Variants in COG2 observed in about 807,000 individuals in gnomAD.
COG2 encodes the protein component of oligomeric golgi complex 2.
COG2 carries 52 observed loss-of-function variants against 90.6 expected under a neutral mutation model. The observed-to-expected ratio is 0.57, with a 90% CI of 0.46 to 0.72. The LOEUF (loss-of-function observed/expected upper bound fraction) is 0.72, where lower values mean the gene tolerates loss of function less well. Ranked by LOEUF, COG2 falls within the 30% of genes least tolerant of loss-of-function variation. The pLI is 0.00. For synonymous variants in COG2, 337 were observed against 320.4 expected (o/e 1.05, Z -0.55); for missense variants, 829 against 891.2 (o/e 0.93, Z 0.89).
chr1:230,650,267 T>G (rs1661881456), intron 1 of COG2, among the ~76,000 whole-genome samples: 1 of 152,208 alleles, frequency 6.6e-6, no homozygotes. Context: ...GTTCTATTTT[T>G]AGTTCTTTGA....
Position 230,671,612 on chromosome 1 carries a change from C to G in COG2, c.871C>G (p.Arg291Gly), listed in dbSNP as rs750823964. 14 of 1,613,602 alleles carry G rather than the reference C, an allele frequency of 8.7e-6. No homozygotes were observed. Among genetic ancestry groups the G allele is most frequent in the Non-Finnish European group, 1.2e-5 (14 of 1,179,762 alleles). ...EFVPHHCRLL[R>G]EVTGGAISSE... ...TGTTCCTCACCATTGCCGCCTTCTT[C>G]GAGAAGTCACAGGAGGTGCCATCTC... Residue 291 changes from arginine (R) to glycine (G), a missense_variant, in exon 8 of 18, where the codon CGA becomes GGA. Arg to Gly is a moderately radical substitution (Grantham distance 125, BLOSUM62 -2). Coordinates refer to ENST00000366669, the MANE Select transcript of COG2 (RefSeq NM_007357.3).
chr1:230,677,040 T>G (rs1211659000), intron 9 of COG2, among the ~76,000 whole-genome samples: 1 of 152,182 alleles, frequency 6.6e-6, no homozygotes, highest in Non-Finnish European at 1.5e-5. Flanking sequence ...AATTGGTATC[T>G]TTCATCCATT....
At chr1:230,678,462 T>C (rs1662652875) in intron 9 of COG2, 4 of 985,150 alleles carry the variant, frequency 4.1e-6, no homozygotes, top group Admixed American at 1.2e-4. Context: ...GTTTTCATGC[T>C]ATCTTATTTA....
At position 230,693,349 on chromosome 1, in the gene COG2, C is replaced by T; in HGVS notation, c.2173C>T (p.Leu725Phe). 1.2e-6 allele frequency: 2 copies of T among 1,613,736 alleles called. No individual in the cohort carries two copies. The highest frequency in any genetic ancestry group is 4.5e-5 in the East Asian group (2 of 44,856). ...DIKSFSALAE[L>F]VAAAKDQATA... ...AAAAAGCTTCTCAGCTCTCGCAGAG[C>T]TTGTTGCTGCTGCCAAGGACCAGGC... The change falls in exon 18 of 18, where the codon CTT becomes TTT. Residue 725 changes from leucine (L) to phenylalanine (F), a missense_variant. Leu to Phe is a conservative substitution (Grantham distance 22). Transcript: ENST00000366669.
chr1:230,682,565 T>G (rs1354212796), intron 10 of COG2: 2 of 152,266 alleles, frequency 1.3e-5, no homozygotes, highest in Admixed American at 6.5e-5. Flanking sequence ...ATAGCCTTAG[T>G]GTCTTCAGTG....
intron 9 of COG2, among the ~76,000 whole-genome samples, chr1:230,677,271 T>G (rs1662622334): frequency 6.6e-6 from 1 of 152,226 alleles, no homozygotes. Flanking sequence ...ATCATATTTT[T>G]TTATTTCTAG....
rs112229411 is a variant in COG2, at chr1:230,686,893, T to C, written c.1381-42T>C. On this transcript the variant is annotated intron_variant, in intron 12 of 17. Transcript: ENST00000366669. The stretch of plus-strand genomic sequence containing the variant: ...TGTAATATATAAATGCTCATGTATC[T>C]TGCTAGTGTGAAAGTAGTTAATCAG... The C allele has an allele frequency of 2.9e-5, 37 of 1,288,896 alleles. No individual in the cohort carries two copies. In the African/African-American group the frequency reaches 4.0e-4, roughly 14 times the overall value. 79.8% of individuals were successfully genotyped at this position (1,288,896 alleles called of 1,614,324 possible).
rs571681140 is a variant in COG2 at position 230,642,968 on chromosome 1, T to C, written c.72+290T>C. On this transcript the variant is annotated intron_variant, in intron 1 of 17. Transcript: ENST00000366669. ...CCACTGTTACCCGTTCCTGTTACCA[T>C]GCAGTGCAGTCAGATTGCCAGTCCC... The C allele has an allele frequency of 3.6e-5, 15 of 417,042 alleles. 1 individual carries two copies. The highest frequency in any genetic ancestry group is 3.1e-4 in the African/African-American group (15 of 48,150). 25.8% of individuals were successfully genotyped at this position (417,042 alleles called of 1,614,324 possible).
At chr1:230,687,245 CGTGGGT>C in intron 13 of COG2, 113 bp downstream of exon 13, 1 of 791,200 alleles carries the variant, frequency 1.3e-6, no homozygotes, top group Non-Finnish European at 1.9e-6. Flanking sequence ...TTGGGGGACC[CGTGGGT>C]ACCCCAAGAG....
intron 9 of COG2, chr1:230,678,288 C>A (rs527437918): frequency 1.0e-6 from 1 of 985,318 alleles, no homozygotes; most frequent in Non-Finnish European, 1.2e-6. Context: ...GAAGAAGAAG[C>A]ATCATTTGTA....
At chr1:230,645,419 C>A (rs1473144106) in intron 1 of COG2, among the ~76,000 whole-genome samples, 1 of 152,044 alleles carries the variant, frequency 6.6e-6, no homozygotes, top group African/African-American at 2.4e-5. Context: ...CGTATGACTT[C>A]ATGTGTTTTA....
At chr1:230,648,631 T>C (rs1661844141) in intron 1 of COG2, among the ~76,000 whole-genome samples, 1 of 152,236 alleles carries the variant, frequency 6.6e-6, no homozygotes, top group Non-Finnish European at 1.5e-5. Flanking sequence ...TATTATAAAA[T>C]GTATTACTTG....
At chr1:230,650,398 G>T (rs1264016776) in intron 1 of COG2, among the ~76,000 whole-genome samples, 1 of 152,038 alleles carries the variant, frequency 6.6e-6, no homozygotes, top group Non-Finnish European at 1.5e-5. Context: ...AAGCTGTTCT[G>T]ATTGGTGTTA....
intron 6 of COG2, 187 bp downstream of exon 6, chr1:230,668,971 C>T: frequency 2.0e-6 from 1 of 491,814 alleles, no homozygotes; most frequent in Non-Finnish European, 3.6e-6. Flanking sequence ...AAGACTCAGT[C>T]ACATTCTCCA....
At chr1:230,671,970 T>C (rs1024432559) in intron 8 of COG2, among the ~76,000 whole-genome samples, 1 of 152,244 alleles carries the variant, frequency 6.6e-6, no homozygotes, top group Non-Finnish European at 1.5e-5. Context: ...TCATAATCTG[T>C]CTATAAATAT....
chr1:230,680,961 T>C (rs930739694), intron 10 of COG2: 6 of 152,172 alleles, frequency 3.9e-5, no homozygotes, highest in African/African-American at 1.2e-4. Context: ...AGAAGAAATA[T>C]TACTCTCAGT....
rs1275854075 is a variant in COG2, at chr1:230,683,721, C to G, written c.1228+86C>G. The G allele has an allele frequency of 6.4e-6, 5 of 786,724 alleles. No individual in the cohort carries two copies. The Admixed American group carries it at 1.3e-4, about 21-fold the overall frequency. The allele number at this position is 786,724 out of a possible 1,614,324, so 48.7% of individuals were successfully genotyped here. A position where few individuals can be genotyped will look rare whatever the true frequency, so the allele number is the denominator to read the frequency against. On this transcript the variant is annotated intron_variant, in intron 11 of 17. Transcript: ENST00000366669. ...GTCATCTGGATTGCAGTATTCTGAG[C>G]GTACTTTTACTGTTTTTTTTTTTTA... is the stretch of plus-strand genomic sequence containing the variant.
Position 230,642,624 on chromosome 1 carries a change from G to A in COG2, c.18G>A (p.Met6Ile). ...CCGGCGGGATGGAGAAAAGTAGGAT[G>A]AACCTGCCCAAGGGGCCGGACACGC... is the stretch of plus-strand genomic sequence containing the variant. MEKSR[M>I]NLPKGPDTLC... is the part of the protein sequence containing the mutation. The change falls in exon 1 of 18, where the codon ATG becomes ATA. Residue 6 changes from methionine (M) to isoleucine (I), a missense_variant. Coordinates refer to ENST00000366669, the MANE Select transcript of COG2 (RefSeq NM_007357.3). The A allele has an allele frequency of 6.2e-7, 1 of 1,613,070 alleles. No individual in the cohort carries two copies. The highest frequency in any genetic ancestry group is 8.5e-7 in the Non-Finnish European group (1 of 1,179,590).
At chr1:230,667,341 C>T (rs570096165) in intron 5 of COG2, among the ~76,000 whole-genome samples, 3 of 151,738 alleles carry the variant, frequency 2.0e-5, no homozygotes, top group African/African-American at 4.8e-5. Context: ...TTCCTTGCTC[C>T]GAATCATCTT....
Sources: allele counts gnomAD v4.1 joint callset (sites outside exome capture counted in the v4.1 genomes callset), GRCh38; gene constraint gnomAD v4.1.1; transcripts MANE v1.5; gene names NCBI Gene and HGNC (gene_info 2026-07-23, HGNC 2026-07-21).